Variants in HIVEP3 observed in about 807,000 individuals in gnomAD.
The protein encoded by HIVEP3 is transcription factor HIVEP3.
Under a neutral mutation model 152.8 loss-of-function variants are expected in HIVEP3, and 49 were observed. The observed-to-expected ratio is 0.32, with a 90% confidence interval of 0.26 to 0.41. The LOEUF is 0.41. Ranked by LOEUF, HIVEP3 falls within the 10% of genes least tolerant of loss-of-function variation. The probability of loss-of-function intolerance (pLI) is 1.00; values close to 1 mark genes in which losing one functional copy is unlikely to be tolerated. For missense variants in HIVEP3, 2,790 were observed against 3,103.3 expected (o/e 0.90, Z 2.40); for synonymous variants, 1,269 against 1,289.0 (o/e 0.98, Z 0.33).
At chr1:41,924,492 T>C (rs1261023954) in intron 1 of HIVEP3, among the ~76,000 whole-genome samples, 1 of 152,158 alleles carries the variant, frequency 6.6e-6, no homozygotes, top group Non-Finnish European at 1.5e-5. Context: ...ATTATTTATA[T>C]ATCTTACCTC....
chr1:41,864,426 A>C (rs1343723388), intron 1 of HIVEP3, among the ~76,000 whole-genome samples: 2 of 152,224 alleles, frequency 1.3e-5, no homozygotes, highest in Admixed American at 6.5e-5. Flanking sequence ...CAGATCAAGG[A>C]GGCAGCTGTG....
intron 1 of HIVEP3, among the ~76,000 whole-genome samples, chr1:41,758,861 T>C (rs1647483785): frequency 6.6e-6 from 1 of 152,184 alleles, no homozygotes; most frequent in Non-Finnish European, 1.5e-5. Flanking sequence ...TTTAGGAGAA[T>C]GGGGGGTACT....
At chr1:41,970,239 A>G (rs1378187508) in intron 1 of HIVEP3, among the ~76,000 whole-genome samples, 2 of 152,234 alleles carry the variant, frequency 1.3e-5, no homozygotes, top group African/African-American at 4.8e-5. Context: ...GCATGCATGC[A>G]TATGTTCATT....
chr1:41,939,288 T>C (rs1645034735), intron 1 of HIVEP3, among the ~76,000 whole-genome samples: 1 of 152,234 alleles, frequency 6.6e-6, no homozygotes, highest in Non-Finnish European at 1.5e-5. Context: ...TGTCCCTCTT[T>C]GGTTTCATTT....
intron 1 of HIVEP3, among the ~76,000 whole-genome samples, chr1:41,787,773 G>A (rs78631441): frequency 0.052 from 7,834 of 151,606 alleles, 259 homozygotes; most frequent in Middle Eastern, 0.065. Context: ...GGGCTCAAGC[G>A]ATCCTCTTGC....
chr1:41,527,247 A>ACT (rs1642999742), intron 5 of HIVEP3, among the ~76,000 whole-genome samples: 2 of 49,390 alleles, frequency 4.0e-5, no homozygotes, highest in Non-Finnish European at 4.2e-5. Flanking sequence ...CTCACCTCAC[A>ACT]CACACACACC....
chr1:41,702,400 T>C (rs577648320), intron 1 of HIVEP3, among the ~76,000 whole-genome samples: 1 of 152,222 alleles, frequency 6.6e-6, no homozygotes, highest in Non-Finnish European at 1.5e-5. Flanking sequence ...ATCCACATTT[T>C]CTTTCTTTGG....
At position 41,994,336 on chromosome 1, in the gene HIVEP3, C is replaced by A. The variant is rs576187316; in HGVS notation, n.119+41471G>T. Reference sequence around the variant, plus strand: ...TAAGCAGAAGCAACATCAGCAGAAACAGATAAGCCAATGCTAGCAATATTG... The same window carrying A: ...TAAGCAGAAGCAACATCAGCAGAAAAAGATAAGCCAATGCTAGCAATATTG... On this transcript the variant is annotated intron_variant and non_coding_transcript_variant, in intron 1 of 3. Coordinates refer to the HIVEP3 transcript ENST00000489103. Among the ~76,000 whole-genome samples, 11 of 151,064 alleles carry A rather than the reference C, an allele frequency of 7.3e-5. No individual in the cohort carries two copies. In the South Asian group the frequency reaches 2.3e-3, roughly 32 times the overall value.
intron 3 of HIVEP3, among the ~76,000 whole-genome samples, chr1:41,619,945 C>T (rs138879133): frequency 1.1e-3 from 174 of 152,242 alleles, no homozygotes; most frequent in Admixed American, 2.4e-3. Flanking sequence ...TGAATTTGCA[C>T]GTCTAGGAAT....
At chr1:42,012,320 T>C (rs930944461) in intron 1 of HIVEP3, among the ~76,000 whole-genome samples, 1 of 152,230 alleles carries the variant, frequency 6.6e-6, no homozygotes, top group South Asian at 2.1e-4. Flanking sequence ...ATTCATATGT[T>C]GAAGCCCTAA....
chr1:41,700,218 T>C (rs1239941484), intron 2 of HIVEP3, among the ~76,000 whole-genome samples: 1 of 152,136 alleles, frequency 6.6e-6, no homozygotes, highest in Non-Finnish European at 1.5e-5. Flanking sequence ...GATAATGCCA[T>C]GATTTGTTCA....
intron 5 of HIVEP3, among the ~76,000 whole-genome samples, chr1:41,526,265 CCA>C (rs1469767729): frequency 6.7e-6 from 1 of 149,488 alleles, no homozygotes; most frequent in Non-Finnish European, 1.5e-5. Context: ...ATGCTCACAC[CCA>C]CACACTCACC....
rs752256586 is a variant in HIVEP3, at chr1:41,511,250, C to T, written c.6422G>A (p.Arg2141Gln). 22 of 1,605,982 alleles carry T rather than the reference C, an allele frequency of 1.4e-5. No individual in the cohort carries two copies. The highest frequency in any genetic ancestry group is 1.8e-4 in the Middle Eastern group (1 of 5,670). ...CASPWQKAES[R>Q]SPSCSPGPAH... is the part of the protein sequence containing the mutation. ...AGGGCCGGGTGAGCAGGAGGGACTTCGGGACTCGGCCTTCTGCTGGGGTCA... is the reference window on the plus strand; with the variant it reads ...AGGGCCGGGTGAGCAGGAGGGACTTTGGGACTCGGCCTTCTGCTGGGGTCA... Residue 2141 changes from arginine (R) to glutamine (Q), a missense_variant, in exon 9 of 9, where the codon CGA (arginine) becomes CAA (glutamine). Coordinates refer to ENST00000372583, the MANE Select transcript of HIVEP3 (RefSeq NM_024503.5). This position sits in a 1 kb window ranked among gnomAD's most constrained non-coding sequence, Gnocchi z 4.9.
rs770554203 is a variant in HIVEP3, at chr1:41,510,875, G to C, written c.6797C>G (p.Ser2266Cys). The change falls in exon 9 of 9, where the codon TCC (serine) becomes TGC (cysteine). Residue 2266 changes from serine (S) to cysteine (C), a missense_variant. Ser to Cys is a moderately radical substitution (Grantham distance 112). Coordinates refer to ENST00000372583, the MANE Select transcript of HIVEP3 (RefSeq NM_024503.5). ...PVAKVSKFTL[S>C]SELEGGDYPK... is the part of the protein sequence containing the mutation. ...GTAGTCCCCGCCCTCCAGCTCTGAG[G>C]AGAGTGTGAATTTGGAGACCTTAGC... 3.1e-6 allele frequency: 5 copies of C among 1,613,472 alleles called. No individual in the cohort carries two copies. The South Asian group carries it at 5.5e-5, about 18-fold the overall frequency.
chr1:41,960,440 C>T (rs1645163627), intron 1 of HIVEP3, among the ~76,000 whole-genome samples: 1 of 152,128 alleles, frequency 6.6e-6, no homozygotes, highest in African/African-American at 2.4e-5. Context: ...TATATGCTCC[C>T]CACTCCTCCC....
intron 3 of HIVEP3, among the ~76,000 whole-genome samples, chr1:41,592,119 C>A (rs963763999): frequency 6.6e-6 from 1 of 152,110 alleles, no homozygotes; most frequent in African/African-American, 2.4e-5. Context: ...CACAGGCAGC[C>A]GGCTGCCTCC....
intron 1 of HIVEP3, among the ~76,000 whole-genome samples, chr1:41,733,412 C>T (rs977909249): frequency 2.0e-5 from 3 of 152,236 alleles, no homozygotes; most frequent in African/African-American, 4.8e-5. Context: ...CTTGAACCCT[C>T]CCCCAGTCAC....
chr1:41,578,816 T>C (rs933738620), intron 4 of HIVEP3, among the ~76,000 whole-genome samples: 4 of 152,190 alleles, frequency 2.6e-5, no homozygotes, highest in Non-Finnish European at 1.5e-5. Context: ...GAGATGGTTA[T>C]GTTACTTCAG....
chr1:41,791,001 A>C, intron 1 of HIVEP3, among the ~76,000 whole-genome samples: 1 of 152,088 alleles, frequency 6.6e-6, no homozygotes, highest in Non-Finnish European at 1.5e-5. Context: ...TTTCCTGTGG[A>C]ATAAAGTCCA....
Sources: gnomAD v4.1 joint callset for allele counts (sites outside exome capture counted in the v4.1 genomes callset) on GRCh38, gnomAD v4.1.1 for gene constraint, Gnocchi (gnomAD v3.1) non-coding constraint, MANE v1.5 for transcripts, NCBI Gene and HGNC (gene_info 2026-07-23, HGNC 2026-07-21) for gene names.